Variants in SLC9B1 observed in about 807,000 individuals in gnomAD.
SLC9B1 encodes the protein solute carrier family 9 member B1, also known as sodium/hydrogen exchanger 9B1.
Under a neutral mutation model 51.7 loss-of-function variants are expected in SLC9B1, and 32 were observed. That is an observed-to-expected ratio of 0.62 (90% confidence interval 0.47 to 0.83). The LOEUF (loss-of-function observed/expected upper bound fraction) is 0.83, where lower values mean the gene tolerates loss of function less well. SLC9B1 is among the 40% of genes least tolerant of loss of function. The pLI, the probability that SLC9B1 is intolerant of heterozygous loss-of-function variation, is 0.00. For missense variants in SLC9B1, 406 were observed against 613.2 expected, an observed-to-expected ratio of 0.66 and a Z score of 3.57; for synonymous variants, 145 against 212.7, an observed-to-expected ratio of 0.68 and a Z score of 2.77.
intron 6 of SLC9B1, among the ~76,000 whole-genome samples, chr4:102,944,782 T>G (rs2110472065): frequency 6.6e-6 from 1 of 152,360 alleles, no homozygotes; most frequent in African/African-American, 2.4e-5. Flanking sequence ...TTCTTTAAAA[T>G]GGGAGAGTTT....
At chr4:103,007,331 C>T (rs1033546083) in intron 1 of SLC9B1, among the ~76,000 whole-genome samples, 4 of 152,058 alleles carry the variant, frequency 2.6e-5, no homozygotes, top group Admixed American at 2.0e-4. Flanking sequence ...ACCAACAAGT[C>T]CAAGCTGTGA....
chr4:102,932,348 A>T (rs766387424), intron 6 of SLC9B1, 49 bp from the exon 7 acceptor site: 13 of 1,491,324 alleles, frequency 8.7e-6, no homozygotes, highest in Admixed American at 1.8e-5. Flanking sequence ...TAAATCAAGT[A>T]GTGTTTTATA....
intron 1 of SLC9B1, among the ~76,000 whole-genome samples, chr4:102,995,456 A>G (rs1455788164): frequency 6.6e-6 from 1 of 152,192 alleles, no homozygotes; most frequent in Non-Finnish European, 1.5e-5. Flanking sequence ...GCGACTAGGC[A>G]GCATATTTTA....
chr4:102,925,374 G>A (rs1423606496), intron 7 of SLC9B1, among the ~76,000 whole-genome samples: 4 of 152,052 alleles, frequency 2.6e-5, no homozygotes, highest in South Asian at 2.1e-4. Context: ...TGGACACAGG[G>A]TGGGGAACAT....
intron 6 of SLC9B1, among the ~76,000 whole-genome samples, chr4:102,934,053 G>T (rs545077701): frequency 7.2e-5 from 11 of 152,208 alleles, no homozygotes; most frequent in Non-Finnish European, 1.3e-4. Flanking sequence ...TTATAGGTGT[G>T]AGCCACCATG....
intron 11 of SLC9B1, among the ~76,000 whole-genome samples, chr4:102,894,730 G>A (rs1032987166): frequency 1.3e-5 from 2 of 152,200 alleles, no homozygotes; most frequent in African/African-American, 4.8e-5. Context: ...GCTGAGGCAG[G>A]AGGACTGCTT....
intron 3 of SLC9B1, among the ~76,000 whole-genome samples, chr4:102,951,697 C>G (rs6839635): frequency 6.7e-6 from 1 of 150,234 alleles, no homozygotes; most frequent in African/African-American, 2.5e-5. Context: ...CACACACACA[C>G]AAAAAAATGA....
intron 3 of SLC9B1, among the ~76,000 whole-genome samples, chr4:102,976,490 G>A (rs1444356271): frequency 6.6e-6 from 1 of 152,154 alleles, no homozygotes; most frequent in African/African-American, 2.4e-5. Context: ...TATATGCAAG[G>A]ATAGGTCCCA....
In SLC9B1 at chr4:102,911,444, G is replaced by C; in HGVS notation, c.923C>G (p.Pro308Arg). Reference protein sequence around the residue: ...IVLGFFVRYFPSEDQKKLTLK... With the variant: ...IVLGFFVRYFRSEDQKKLTLK... ...TTTTGTATTTACCTGGTCTTCACTT[G>C]GAAAATATCGAACAAAAAATCCCAA... is the stretch of plus-strand genomic sequence containing the variant. Residue 308 changes from proline to arginine, a missense_variant, in exon 8 of 12, where the codon CCA becomes CGA. Around this residue, in one of 6 missense-constraint regions of SLC9B1, gnomAD observed 250 missense variants for 394.1 expected, o/e 0.63. Transcript: ENST00000296422. 1 of 1,593,610 alleles carries C rather than the reference G, an allele frequency of 6.3e-7. No homozygotes were observed.
intron 7 of SLC9B1, 52 bp from the exon 8 acceptor site, chr4:102,911,589 A>C: frequency 8.7e-7 from 1 of 1,149,544 alleles, no homozygotes; most frequent in Non-Finnish European, 1.3e-6. Flanking sequence ...CTTCACATAC[A>C]CTACACATCA....
At chr4:102,927,460 A>T (rs1736243622) in intron 7 of SLC9B1, among the ~76,000 whole-genome samples, 2 of 152,254 alleles carry the variant, frequency 1.3e-5, no homozygotes, top group South Asian at 4.1e-4. Flanking sequence ...TGCAGCTAAC[A>T]GACACATGAA....
chr4:102,938,867 C>G (rs1029636197), intron 6 of SLC9B1, among the ~76,000 whole-genome samples: 2 of 152,030 alleles, frequency 1.3e-5, no homozygotes, highest in African/African-American at 4.8e-5. Context: ...CTCTAAGACA[C>G]AGGCAAAGCA....
chr4:102,976,698 G>A (rs1040771029), intron 3 of SLC9B1, among the ~76,000 whole-genome samples: 14 of 152,240 alleles, frequency 9.2e-5, no homozygotes, highest in African/African-American at 3.4e-4. Context: ...GATGGACACA[G>A]ATATAGCAAC....
intron 1 of SLC9B1, among the ~76,000 whole-genome samples, chr4:102,994,462 G>A (rs577944289): frequency 3.3e-5 from 5 of 152,190 alleles, no homozygotes; most frequent in East Asian, 1.9e-4. Context: ...AAGTCTCTAT[G>A]AAGTTCCACA....
At chr4:102,892,986 T>G (rs1291653724) in intron 11 of SLC9B1, among the ~76,000 whole-genome samples, 5 of 151,932 alleles carry the variant, frequency 3.3e-5, no homozygotes, top group Admixed American at 2.0e-4. Flanking sequence ...GGTAGAAAGA[T>G]TCTCTTTGAG....
chr4:102,908,957 A>C (rs1341368573), intron 9 of SLC9B1, among the ~76,000 whole-genome samples: 1 of 152,294 alleles, frequency 6.6e-6, no homozygotes, highest in African/African-American at 2.4e-5. Context: ...AATCAGAGAA[A>C]TGTAAATAAA....
intron 7 of SLC9B1, among the ~76,000 whole-genome samples, chr4:102,917,427 AT>A (rs1340615194): frequency 7.5e-6 from 1 of 133,770 alleles, no homozygotes; most frequent in Non-Finnish European, 1.7e-5. Context: ...TTTTATATGC[AT>A]GTATCTATAT....
chr4:102,988,211 A>C (rs895123839), intron 3 of SLC9B1, among the ~76,000 whole-genome samples: 1 of 152,182 alleles, frequency 6.6e-6, no homozygotes, highest in Admixed American at 6.6e-5. Context: ...GGCTGAAAAG[A>C]AACAAAAAGG....
chr4:102,963,104 A>G lies in SLC9B1; in HGVS notation c.212-13677T>C, dbSNP rs1013043746. ...TACAGAGAGATTTGAAGAGTGGTAC[A>G]TGCCAGATTAAAACTCAGTAAGGAG... On this transcript the variant is annotated intron_variant, in intron 3 of 11. Transcript: ENST00000296422. The G allele has an allele frequency of 2.1e-5, 8 of 380,494 alleles. No homozygotes were observed. The Admixed American group carries it at 2.6e-4, about 12-fold the overall frequency. The allele number at this position is 380,494 out of a possible 1,614,324, so 23.6% of individuals were successfully genotyped here.
Sources: allele counts gnomAD v4.1 joint callset (sites outside exome capture counted in the v4.1 genomes callset), GRCh38; gene constraint gnomAD v4.1.1; regional missense constraint gnomAD v4.1.1; transcripts MANE v1.5; gene names NCBI Gene and HGNC (gene_info 2026-07-23, HGNC 2026-07-21).